The following CCDC138 variants were observed in gnomAD, a reference collection of about 807,000 sequenced individuals.
CCDC138 encodes coiled-coil domain containing 138, also known as coiled-coil domain-containing protein 138.
A neutral mutation model predicts 82.3 loss-of-function variants in CCDC138; 66 were observed. That is an observed-to-expected ratio of 0.80 (90% confidence interval 0.66 to 0.98). The LOEUF (loss-of-function observed/expected upper bound fraction) is 0.98. Ranked by LOEUF, CCDC138 falls within the 50% of genes least tolerant of loss-of-function variation. The pLI is 0.00. For synonymous variants in CCDC138, 297 were observed against 265.4 expected (o/e 1.12, Z -1.16); for missense variants, 816 against 758.9 (o/e 1.08, Z -0.88).
chr2:108,807,423 G>T (rs924131695), intron 7 of CCDC138, among the ~76,000 whole-genome samples: 1 of 152,090 alleles, frequency 6.6e-6, no homozygotes, highest in Non-Finnish European at 1.5e-5. Context: ...GGGGTACAGT[G>T]ATATTTGATA....
intron 12 of CCDC138, among the ~76,000 whole-genome samples, chr2:108,850,791 C>T (rs953002099): frequency 4.6e-5 from 7 of 152,088 alleles, no homozygotes; most frequent in Admixed American, 3.3e-4. Context: ...CTAGGGAAAA[C>T]TCTTTAACTG....
At chr2:108,882,200 G>T (rs1319826853) in intron 1 of CCDC138, 2 of 151,762 alleles carry the variant, frequency 1.3e-5, no homozygotes, top group Admixed American at 6.6e-5. Context: ...AGATCACCAT[G>T]ACAGATATAA....
At chr2:108,838,574 T>C (rs182150924) in intron 10 of CCDC138, among the ~76,000 whole-genome samples, 39 of 152,242 alleles carry the variant, frequency 2.6e-4, no homozygotes, top group African/African-American at 8.7e-4. Flanking sequence ...GTCTTTATGG[T>C]CCTGAAATCA....
chr2:108,791,599 TTTG>T, intron 3 of CCDC138, 73 bp from the exon 4 acceptor site: 1 of 1,499,816 alleles, frequency 6.7e-7, no homozygotes, highest in Non-Finnish European at 9.2e-7. Context: ...GCTGTTAATA[TTTG>T]AAAAGCAGTT....
chr2:108,816,151 TA>T, intron 10 of CCDC138, 46 bp downstream of exon 10: 1 of 1,467,884 alleles, frequency 6.8e-7, no homozygotes, highest in Non-Finnish European at 9.3e-7. Context: ...ATATGAAGAT[TA>T]AAAAAGGAAA....
At chr2:108,837,137 T>G (rs1402277802) in intron 10 of CCDC138, among the ~76,000 whole-genome samples, 1 of 152,176 alleles carries the variant, frequency 6.6e-6, no homozygotes, top group Non-Finnish European at 1.5e-5. Context: ...GAGGAAAGGC[T>G]TTCATTCTTT....
chr2:108,813,024 C>T lies in CCDC138; in HGVS notation c.1041+97C>T, dbSNP rs373980770. ...CAGCACTTTGGGAGGCTGAGATGGGCGGATCACGATGTCAGGAGATCGAGA... is the reference window on the plus strand; with the variant it reads ...CAGCACTTTGGGAGGCTGAGATGGGTGGATCACGATGTCAGGAGATCGAGA... On this transcript the variant is annotated intron_variant, in intron 9 of 14. Transcript: ENST00000295124. The T allele has an allele frequency of 4.0e-5, 36 of 905,934 alleles. No individual in the cohort carries two copies. In the East Asian group the frequency reaches 4.5e-4, roughly 11 times the overall value. 56.1% of individuals were successfully genotyped at this position (905,934 alleles called of 1,614,324 possible).
chr2:108,791,661 T>C lies in CCDC138; in HGVS notation c.267-14T>C. 1 of 1,601,120 alleles carries C rather than the reference T, an allele frequency of 6.2e-7. No homozygotes were observed. The highest frequency in any genetic ancestry group is 8.5e-7 in the Non-Finnish European group (1 of 1,172,372). On this transcript the variant is annotated splice_polypyrimidine_tract_variant and intron_variant, in intron 3 of 14. Transcript: ENST00000295124. ...AAACTTCTAGATTGCTGTGATACAATTATTTTTTTAAAGCCTAGATGATGA... is the reference window on the plus strand; with the variant it reads ...AAACTTCTAGATTGCTGTGATACAACTATTTTTTTAAAGCCTAGATGATGA...
intron 13 of CCDC138, among the ~76,000 whole-genome samples, chr2:108,858,906 T>C (rs1425706195): frequency 6.6e-6 from 1 of 152,162 alleles, no homozygotes; most frequent in Non-Finnish European, 1.5e-5. Flanking sequence ...ACATTTTCTT[T>C]ATCTGATCCA....
In CCDC138 at chr2:108,884,537, CTTTGT is replaced by C. The variant is rs1209475416; in HGVS notation, c.*45-556_*45-552del. 5.3e-5 allele frequency: 8 copies of C among 152,278 alleles called. No homozygotes were observed. In the East Asian group the frequency reaches 1.4e-3, roughly 26 times the overall value. The allele number at this position is 152,278 out of a possible 1,614,324, so 9.4% of individuals were successfully genotyped here. Reference sequence around the variant, plus strand: ...CGCTGAAGAGAATAAGAGAAGAGATCTTTGTTTTGTTTTTGCTTGTTTCTTTGTGG... The same window carrying C: ...CGCTGAAGAGAATAAGAGAAGAGATCTTTGTTTTTGCTTGTTTCTTTGTGG... On this transcript the variant is annotated intron_variant, in intron 2 of 2. Coordinates refer to the CCDC138 transcript ENST00000608781.
At chr2:108,862,077 G>T (rs1029415565) in intron 13 of CCDC138, among the ~76,000 whole-genome samples, 6 of 141,378 alleles carry the variant, frequency 4.2e-5, no homozygotes, top group African/African-American at 1.0e-4. Flanking sequence ...TATGATTTCA[G>T]TTTTTTTTTT....
At chr2:108,792,377 G>A (rs1197359690) in intron 4 of CCDC138, among the ~76,000 whole-genome samples, 1 of 152,058 alleles carries the variant, frequency 6.6e-6, no homozygotes, top group African/African-American at 2.4e-5. Flanking sequence ...TAATTCTGTC[G>A]GGACTTGAGT....
chr2:108,827,409 T>C (rs1238445283), intron 10 of CCDC138, among the ~76,000 whole-genome samples: 1 of 152,222 alleles, frequency 6.6e-6, no homozygotes, highest in East Asian at 1.9e-4. Context: ...AACTACAAAT[T>C]TTATTTAATG....
At chr2:108,839,402 C>T in intron 11 of CCDC138, 101 bp downstream of exon 11, 1 of 977,572 alleles carries the variant, frequency 1.0e-6, no homozygotes, top group Non-Finnish European at 1.5e-6. Flanking sequence ...CTCTGTATTT[C>T]AGAATAATCT....
chr2:108,819,446 T>C (rs1685299629), intron 10 of CCDC138, among the ~76,000 whole-genome samples: 2 of 152,106 alleles, frequency 1.3e-5, no homozygotes, highest in African/African-American at 4.8e-5. Flanking sequence ...AAGGGAATGG[T>C]AGCATAGTTT....
chr2:108,805,805 T>C (rs1014639067), intron 7 of CCDC138, among the ~76,000 whole-genome samples: 1 of 152,172 alleles, frequency 6.6e-6, no homozygotes, highest in African/African-American at 2.4e-5. Flanking sequence ...TTATGTCTAT[T>C]TTTTTCCTTC....
In CCDC138 at chr2:108,846,906, ATTGTTCTCAAAAC is replaced by A; in HGVS notation, c.1493_1505del (p.Ile498LysfsTer19). ...GCCATTGAGATTTTTATCAACCTTAATTGTTCTCAAAACAGTCACTCAAGGTAAGCTTTCAATT... is the reference window on the plus strand; with the variant it reads ...GCCATTGAGATTTTTATCAACCTTAAAGTCACTCAAGGTAAGCTTTCAATT... On this transcript the variant is annotated frameshift_variant, in exon 12 of 15. Coordinates refer to ENST00000295124, the MANE Select transcript of CCDC138 (RefSeq NM_144978.3). LOFTEE classifies it high-confidence loss of function. The A allele has an allele frequency of 6.2e-7, 1 of 1,608,544 alleles. No homozygotes were observed.
intron 12 of CCDC138, among the ~76,000 whole-genome samples, chr2:108,849,443 C>T (rs140088231): frequency 6.6e-6 from 1 of 152,266 alleles, no homozygotes; most frequent in Non-Finnish European, 1.5e-5. Context: ...CCTCCACACC[C>T]TGGCCACTGG....
rs144251009 is a variant in CCDC138 at position 108,858,710 on chromosome 2, T to A, written c.1693+1740T>A. Reference sequence around the variant, plus strand: ...TCATGCTATTTTTTTCTTTTTTTTTTTAATTTTAGATTTAGGGGGTACATG... The same window carrying A: ...TCATGCTATTTTTTTCTTTTTTTTTATAATTTTAGATTTAGGGGGTACATG... On this transcript the variant is annotated intron_variant, in intron 13 of 14. Coordinates refer to ENST00000295124, the MANE Select transcript of CCDC138 (RefSeq NM_144978.3). Among the ~76,000 whole-genome samples, 722 of 152,230 alleles carry A rather than the reference T, an allele frequency of 4.7e-3. 7 individuals carry two copies. Among genetic ancestry groups the A allele is most frequent in the South Asian group, 0.023 (110 of 4,824 alleles).
Sources: allele counts gnomAD v4.1 joint callset (sites outside exome capture counted in the v4.1 genomes callset), GRCh38; gene constraint gnomAD v4.1.1; transcripts MANE v1.5; gene names NCBI Gene and HGNC (gene_info 2026-07-23, HGNC 2026-07-21).